RAD51B: variants seen among roughly 807,000 people sequenced by gnomAD.
RAD51B encodes the protein DNA repair protein RAD51 homolog 2.
A neutral mutation model predicts 42.2 loss-of-function variants in RAD51B; 38 were observed. That is an observed-to-expected ratio of 0.90 (90% CI 0.70 to 1.18). RAD51B has a LOEUF of 1.18. Among genes scored for constraint, RAD51B ranks in the 50% most tolerant of loss-of-function variants. The pLI is 0.00. For synonymous variants in RAD51B, 154 were observed against 145.2 expected (o/e 1.06, Z -0.43); for missense variants, 373 against 400.7 (o/e 0.93, Z 0.59).
intron 7 of RAD51B, among the ~76,000 whole-genome samples, chr14:67,941,102 A>G (rs1404502272): frequency 6.6e-6 from 1 of 152,218 alleles, no homozygotes; most frequent in Non-Finnish European, 1.5e-5. Flanking sequence ...ATCCACAAGT[A>G]GGAGGGAAGT....
intron 7 of RAD51B, among the ~76,000 whole-genome samples, chr14:68,141,564 A>G (rs1011222700): frequency 2.0e-5 from 3 of 152,210 alleles, no homozygotes; most frequent in Non-Finnish European, 4.4e-5. Context: ...TGAGTAGACA[A>G]ATCTCGTGTG....
At chr14:68,547,826 G>T (rs1289959471) in intron 10 of RAD51B, among the ~76,000 whole-genome samples, 1 of 152,208 alleles carries the variant, frequency 6.6e-6, no homozygotes, top group Non-Finnish European at 1.5e-5. Context: ...CTCTCCTCCA[G>T]AACGAAAGCA....
intron 7 of RAD51B, among the ~76,000 whole-genome samples, chr14:67,944,200 G>T (rs1028662830): frequency 9.3e-4 from 122 of 130,540 alleles, no homozygotes; most frequent in Non-Finnish European, 1.6e-3. Flanking sequence ...AAGAAGTAAA[G>T]ATTTTTTTTT....
chr14:67,897,512 A>C (rs996154850), intron 7 of RAD51B, among the ~76,000 whole-genome samples: 5 of 152,210 alleles, frequency 3.3e-5, no homozygotes, highest in African/African-American at 9.6e-5. Flanking sequence ...TAAGATTCAC[A>C]AAGTTACTAA....
At chr14:68,639,654 A>G (rs868084497) in intron 10 of RAD51B, among the ~76,000 whole-genome samples, 7 of 152,362 alleles carry the variant, frequency 4.6e-5, no homozygotes, top group South Asian at 2.1e-4. Context: ...TTGAGGGAAC[A>G]GAGAGAAAAA....
chr14:68,388,143 G>T (rs1186294077), intron 8 of RAD51B, among the ~76,000 whole-genome samples: 1 of 149,166 alleles, frequency 6.7e-6, no homozygotes, highest in Non-Finnish European at 1.5e-5. Context: ...ACCCAGGCTG[G>T]AGTGCAGTGG....
intron 10 of RAD51B, among the ~76,000 whole-genome samples, chr14:68,542,910 T>A (rs1472384639): frequency 6.6e-6 from 1 of 152,204 alleles, no homozygotes; most frequent in East Asian, 1.9e-4. Flanking sequence ...CAAGGAGACA[T>A]CCCATTGCTT....
rs147102959 is a variant in RAD51B, at chr14:68,102,563, A to G, written c.757-189321A>G. 5.2e-3 allele frequency among the ~76,000 whole-genome samples: 795 copies of G among 152,290 alleles called. 4 individuals are homozygous for G. The highest frequency in any genetic ancestry group is 0.013 in the South Asian group (62 of 4,832). Reference sequence around the variant, plus strand: ...CACCTCTACCTGGACTTCATTGTCCATATCACTATCAGCATTTTGGTCAAA... The same window carrying G: ...CACCTCTACCTGGACTTCATTGTCCGTATCACTATCAGCATTTTGGTCAAA... On this transcript the variant is annotated intron_variant, in intron 7 of 10. Coordinates refer to ENST00000471583, the MANE Select transcript of RAD51B (RefSeq NM_133510.4).
At chr14:68,033,552 AAGTTG>A (rs3070547) in intron 7 of RAD51B, among the ~76,000 whole-genome samples, 41,786 of 151,820 alleles carry the variant, frequency 0.28, 7,526 homozygotes, top group African/African-American at 0.52. Context: ...TTTCAACTAG[AAGTTG>A]AGTTGAGATA....
At chr14:68,354,478 G>A (rs1274679353) in intron 8 of RAD51B, among the ~76,000 whole-genome samples, 1 of 152,066 alleles carries the variant, frequency 6.6e-6, no homozygotes, top group Non-Finnish European at 1.5e-5. Flanking sequence ...CTCCCAAAGT[G>A]TTGGGATTAC....
chr14:67,861,468 G>T (rs1020666613), intron 4 of RAD51B, among the ~76,000 whole-genome samples: 3 of 149,666 alleles, frequency 2.0e-5, no homozygotes, highest in African/African-American at 7.4e-5. Context: ...GTGAAACCCA[G>T]TCTCTATGAA....
intron 10 of RAD51B, among the ~76,000 whole-genome samples, chr14:68,494,118 A>G (rs1392010952): frequency 2.0e-5 from 3 of 152,060 alleles, no homozygotes; most frequent in African/African-American, 7.2e-5. Context: ...TCTACTAAAA[A>G]TACAAAAAAA....
intron 10 of RAD51B, among the ~76,000 whole-genome samples, chr14:68,534,798 G>T (rs1887519451): frequency 6.7e-6 from 1 of 148,872 alleles, no homozygotes; most frequent in Non-Finnish European, 1.5e-5. Flanking sequence ...TGCCTATTTT[G>T]TTCATTGATC....
At chr14:68,486,294 G>T (rs1266085158) in intron 10 of RAD51B, among the ~76,000 whole-genome samples, 1 of 152,076 alleles carries the variant, frequency 6.6e-6, no homozygotes, top group Non-Finnish European at 1.5e-5. Flanking sequence ...GCTACTGTGG[G>T]GTTCTAGTCA....
intron 10 of RAD51B, among the ~76,000 whole-genome samples, chr14:68,573,466 G>A (rs533884255): frequency 3.9e-5 from 6 of 152,312 alleles, no homozygotes; most frequent in Admixed American, 3.9e-4. Flanking sequence ...GAGCTTTGCT[G>A]ATGTTCTGCA....
chr14:68,438,221 G>T (rs1315468529), intron 9 of RAD51B, among the ~76,000 whole-genome samples: 1 of 152,090 alleles, frequency 6.6e-6, no homozygotes, highest in Non-Finnish European at 1.5e-5. Flanking sequence ...GAAATAAGAT[G>T]CAAAGAAATG....
chr14:68,265,254 G>A (rs2080967388), intron 7 of RAD51B, among the ~76,000 whole-genome samples: 1 of 152,166 alleles, frequency 6.6e-6, no homozygotes, highest in Non-Finnish European at 1.5e-5. Context: ...CAGTGATTTG[G>A]CCTTAGTAAA....
intron 7 of RAD51B, among the ~76,000 whole-genome samples, chr14:67,969,690 T>C (rs1236150900): frequency 6.6e-6 from 1 of 152,136 alleles, no homozygotes; most frequent in African/African-American, 2.4e-5. Context: ...TAGCTTTTAC[T>C]TAATTAGGAA....
chr14:67,890,947 T>G (rs1002166192), intron 7 of RAD51B, among the ~76,000 whole-genome samples: 1 of 152,166 alleles, frequency 6.6e-6, no homozygotes. Flanking sequence ...GTTTTATAAG[T>G]TGTTGGAATA....
Sources: allele counts gnomAD v4.1 joint callset (sites outside exome capture counted in the v4.1 genomes callset), GRCh38; gene constraint gnomAD v4.1.1; transcripts MANE v1.5; gene names NCBI Gene and HGNC (gene_info 2026-07-23, HGNC 2026-07-21).